Variants in MALRD1 observed in about 807,000 individuals in gnomAD.
MALRD1 encodes MAM and LDL-receptor class A domain-containing protein 1.
In MALRD1, 247 loss-of-function variants were observed where a neutral mutation model predicts 242.1. That is an observed-to-expected ratio of 1.02 (90% CI 0.92 to 1.13). The LOEUF (loss-of-function observed/expected upper bound fraction) is 1.13. Among genes scored for constraint, MALRD1 ranks in the 50% most tolerant of loss-of-function variants. The probability of loss-of-function intolerance (pLI) is 0.00; values close to 1 mark genes in which losing one functional copy is unlikely to be tolerated. For synonymous variants in MALRD1, 995 were observed against 866.6 expected (o/e 1.15, Z -2.60); for missense variants, 2,989 against 2,533.1 (o/e 1.18, Z -3.86).
At chr10:19,235,879 G>A (rs1015918765) in intron 18 of MALRD1, among the ~76,000 whole-genome samples, 6 of 152,074 alleles carry the variant, frequency 3.9e-5, no homozygotes, top group Admixed American at 1.3e-4. Context: ...AACCCTTGAA[G>A]CTTCTATGGG....
intron 18 of MALRD1, among the ~76,000 whole-genome samples, chr10:19,236,013 A>G (rs1372595333): frequency 6.6e-6 from 1 of 152,180 alleles, no homozygotes; most frequent in Non-Finnish European, 1.5e-5. Flanking sequence ...ATAGCTGAAA[A>G]TGTGGGACTG....
intron 33 of MALRD1, among the ~76,000 whole-genome samples, chr10:19,581,153 ATAATTGCAGC>A (rs1241437936): frequency 6.6e-6 from 1 of 152,134 alleles, no homozygotes; most frequent in African/African-American, 2.4e-5. Context: ...AAGAGTACTT[ATAATTGCAGC>A]TACTAAATTA....
At chr10:19,261,436 G>C (rs1839743173) in intron 19 of MALRD1, among the ~76,000 whole-genome samples, 1 of 140,468 alleles carries the variant, frequency 7.1e-6, no homozygotes. Context: ...AATAAAAATT[G>C]AGCTCTACGT....
rs1334824456 is a variant in MALRD1, at chr10:19,692,488, C to T, written c.6248C>T (p.Ala2083Val). 13 of 1,535,676 alleles carry T rather than the reference C, an allele frequency of 8.5e-6. No homozygotes were observed. The highest frequency in any genetic ancestry group is 1.1e-5 in the Non-Finnish European group (13 of 1,146,526). ...NTWTLLGIGL[A>V]FLMTHITVAV... ...TGGACTCTCCTGGGTATTGGATTAG[C>T]ATTCCTGATGACTCACATCACAGTT... Residue 2083 changes from alanine (A) to valine (V), a missense_variant, in exon 38 of 40, where the codon GCA (alanine) becomes GTA (valine). Transcript: ENST00000454679.
chr10:19,258,097 C>T (rs182900420), intron 19 of MALRD1, among the ~76,000 whole-genome samples: 14 of 152,158 alleles, frequency 9.2e-5, no homozygotes, highest in Non-Finnish European at 1.9e-4. Context: ...ATAATTACAT[C>T]GCATTGGATA....
intron 15 of MALRD1, 75 bp from the exon 16 acceptor site, chr10:19,204,233 G>T: frequency 1.1e-6 from 1 of 927,330 alleles, no homozygotes. Context: ...CTCAGTGTAG[G>T]GTTAAGAGAC....
chr10:19,068,850 T>G (rs992462189), intron 2 of MALRD1, among the ~76,000 whole-genome samples: 1 of 152,140 alleles, frequency 6.6e-6, no homozygotes, highest in Non-Finnish European at 1.5e-5. Context: ...ACCAATGCCT[T>G]GAGTGGCAAG....
At chr10:19,529,270 A>G (rs1473008145) in intron 31 of MALRD1, among the ~76,000 whole-genome samples, 1 of 152,222 alleles carries the variant, frequency 6.6e-6, no homozygotes, top group Non-Finnish European at 1.5e-5. Context: ...TATTATAAGA[A>G]GTGGGAGGGA....
intron 31 of MALRD1, among the ~76,000 whole-genome samples, chr10:19,530,981 C>A (rs1291808725): frequency 6.6e-6 from 1 of 152,088 alleles, no homozygotes; most frequent in Non-Finnish European, 1.5e-5. Context: ...GTCACTGGCT[C>A]AAGGGAATTT....
chr10:19,279,097 AGAG>A (rs1442550558), intron 19 of MALRD1, among the ~76,000 whole-genome samples: 2 of 152,168 alleles, frequency 1.3e-5, no homozygotes, highest in Admixed American at 1.3e-4. Context: ...GTCCATGCAC[AGAG>A]GAGGAGAGGT....
At chr10:19,400,583 C>CA (rs1407147011) in intron 28 of MALRD1, among the ~76,000 whole-genome samples, 3 of 151,894 alleles carry the variant, frequency 2.0e-5, no homozygotes, top group Non-Finnish European at 4.4e-5. Flanking sequence ...AATGTACAAG[C>CA]AGTACATAAA....
At chr10:19,671,745 A>T (rs1841930886) in intron 36 of MALRD1, among the ~76,000 whole-genome samples, 1 of 152,260 alleles carries the variant, frequency 6.6e-6, no homozygotes, top group South Asian at 2.1e-4. Flanking sequence ...TGTGGTTAGA[A>T]TGCACAGGAA....
At chr10:19,593,415 T>C (rs150979104) in intron 33 of MALRD1, among the ~76,000 whole-genome samples, 493 of 152,300 alleles carry the variant, frequency 3.2e-3, no homozygotes, top group African/African-American at 0.011. Context: ...AGAGGGACTT[T>C]CACATCTCAT....
intron 21 of MALRD1, among the ~76,000 whole-genome samples, chr10:19,319,716 T>C (rs1421051978): frequency 6.6e-6 from 1 of 152,006 alleles, no homozygotes. Flanking sequence ...AGGGACTTGC[T>C]AGCTCTCTGG....
chr10:19,472,040 G>T (rs1240168173), intron 29 of MALRD1, among the ~76,000 whole-genome samples: 1 of 151,806 alleles, frequency 6.6e-6, no homozygotes. Context: ...TCACCATTGA[G>T]CTTTCACATA....
chr10:19,442,516 T>G (rs560039008), intron 28 of MALRD1, among the ~76,000 whole-genome samples: 32 of 152,072 alleles, frequency 2.1e-4, no homozygotes, highest in African/African-American at 7.7e-4. Flanking sequence ...TTATTGAGAG[T>G]TTTTAGCAGG....
intron 19 of MALRD1, among the ~76,000 whole-genome samples, chr10:19,276,961 C>A (rs1308213567): frequency 6.6e-6 from 1 of 151,518 alleles, no homozygotes; most frequent in African/African-American, 2.4e-5. Flanking sequence ...ACTCTGTCAC[C>A]CAGACCAGAG....
In MALRD1 at chr10:19,366,042, A is replaced by T. The variant is rs1418479369; in HGVS notation, c.4441+13745A>T. ...GCACCAGGGACCGGTTTCATGGAAG[A>T]CAATTTTTCCACATACTGGGGAGTA... On this transcript the variant is annotated intron_variant, in intron 26 of 39. Transcript: ENST00000454679. 3.3e-5 allele frequency among the ~76,000 whole-genome samples: 5 copies of T among 152,154 alleles called. No homozygotes were observed. The East Asian group carries it at 9.6e-4, about 29-fold the overall frequency.
At chr10:19,715,626 G>A (rs1409992730) in intron 38 of MALRD1, among the ~76,000 whole-genome samples, 2 of 152,104 alleles carry the variant, frequency 1.3e-5, no homozygotes, top group Non-Finnish European at 1.5e-5. Context: ...TACTCCATTT[G>A]GACTGCTATA....
Sources: gnomAD v4.1 joint callset for allele counts (sites outside exome capture counted in the v4.1 genomes callset) on GRCh38, gnomAD v4.1.1 for gene constraint, MANE v1.5 for transcripts, NCBI Gene and HGNC (gene_info 2026-07-23, HGNC 2026-07-21) for gene names.